Variants in KCNMA1 observed in about 807,000 individuals in gnomAD.
KCNMA1 encodes potassium calcium-activated channel subfamily M alpha 1.
Under a neutral mutation model 140.0 loss-of-function variants are expected in KCNMA1, and 29 were observed. The observed-to-expected ratio is 0.21, with a 90% CI of 0.15 to 0.28. The LOEUF is 0.28. Among genes scored for constraint, KCNMA1 ranks in the 10% least tolerant of loss-of-function variants. The pLI is 1.00. For synonymous variants in KCNMA1, 612 were observed against 611.9 expected (o/e 1.00, Z 0.00); for missense variants, 880 against 1,602.2 (o/e 0.55, Z 7.70).
intron 1 of KCNMA1, among the ~76,000 whole-genome samples, chr10:77,544,150 CTG>C (rs35370605): frequency 0.22 from 30,634 of 142,120 alleles, 3,136 homozygotes; most frequent in Middle Eastern, 0.29. Flanking sequence ...ATCTTTCCAG[CTG>C]TGTGTGTGTG....
intron 1 of KCNMA1, among the ~76,000 whole-genome samples, chr10:77,593,934 C>T (rs1438057035): frequency 6.6e-6 from 1 of 152,208 alleles, no homozygotes; most frequent in Admixed American, 6.5e-5. Context: ...CATTGGGCTC[C>T]TGGGAGCACA....
Position 77,477,406 on chromosome 10 carries a change from C to A in KCNMA1, c.379-73383G>T, listed in dbSNP as rs141366316. Among the ~76,000 whole-genome samples, 4 of 152,288 alleles carry A rather than the reference C, an allele frequency of 2.6e-5. No homozygotes were observed. The East Asian group carries it at 7.7e-4, about 29-fold the overall frequency. On this transcript the variant is annotated intron_variant, in intron 1 of 27. Transcript: ENST00000286628. ...CATATGTCTGTGCTTACCAAGGAAC[C>A]TTCTAGATGGTGACATTTTCTCATA...
chr10:77,212,003 G>A (rs1271023910), intron 3 of KCNMA1, among the ~76,000 whole-genome samples: 1 of 152,210 alleles, frequency 6.6e-6, no homozygotes, highest in African/African-American at 2.4e-5. Context: ...TGGTGGGAAT[G>A]TAAATTTGTT....
chr10:77,026,645 ATT>A (rs71028246), intron 16 of KCNMA1, among the ~76,000 whole-genome samples: 5 of 151,888 alleles, frequency 3.3e-5, no homozygotes, highest in African/African-American at 1.2e-4. Flanking sequence ...CAAATCTACC[ATT>A]TTTTTCTTCC....
intron 1 of KCNMA1, chr10:77,634,140 G>C: frequency 1.0e-6 from 1 of 985,158 alleles, no homozygotes; most frequent in South Asian, 4.7e-5. Flanking sequence ...CTTTATTCAG[G>C]CTACCAGAGC....
intron 5 of KCNMA1, among the ~76,000 whole-genome samples, chr10:77,168,760 T>C (rs555573649): frequency 1.3e-5 from 2 of 152,336 alleles, no homozygotes; most frequent in East Asian, 3.9e-4. Flanking sequence ...GTCATCAAAA[T>C]TGATTAGTAG....
chr10:76,980,409 AC>A (rs1190740859), intron 19 of KCNMA1: 1 of 152,096 alleles, frequency 6.6e-6, no homozygotes. Context: ...TGTGATCCCT[AC>A]TGGACCAAGG....
At chr10:77,592,814 AG>A (rs1326323397) in intron 1 of KCNMA1, among the ~76,000 whole-genome samples, 1 of 152,164 alleles carries the variant, frequency 6.6e-6, no homozygotes, top group Non-Finnish European at 1.5e-5. Context: ...TTCTCTTTAG[AG>A]GAGGCCTCAC....
chr10:77,019,469 A>C (rs1184060060), intron 16 of KCNMA1: 2 of 254,356 alleles, frequency 7.9e-6, no homozygotes, highest in African/African-American at 4.5e-5. Flanking sequence ...ACACGGAAGC[A>C]TTATTGGCCT....
chr10:76,941,636 A>G (rs538228321), intron 23 of KCNMA1, among the ~76,000 whole-genome samples: 1 of 152,294 alleles, frequency 6.6e-6, no homozygotes, highest in East Asian at 1.9e-4. Flanking sequence ...TCTCTTAGGG[A>G]GCAGAACAGA....
intron 14 of KCNMA1, among the ~76,000 whole-genome samples, chr10:77,042,785 CA>C (rs2094810088): frequency 6.6e-6 from 1 of 152,158 alleles, no homozygotes; most frequent in African/African-American, 2.4e-5. Context: ...AGAAGGAACA[CA>C]TTTTTTGTAG....
At chr10:77,025,240 G>GTATATATATA (rs1384161555) in intron 16 of KCNMA1, among the ~76,000 whole-genome samples, 1,188 of 64,686 alleles carry the variant, frequency 0.018, 28 homozygotes, top group Admixed American at 0.02. Context: ...AGGGGTGTGT[G>GTATATATATA]TGTATATATA....
At chr10:77,591,465 A>G (rs537128238) in intron 1 of KCNMA1, among the ~76,000 whole-genome samples, 2 of 152,240 alleles carry the variant, frequency 1.3e-5, no homozygotes, top group East Asian at 3.9e-4. Context: ...TAGGGTTGCG[A>G]GACCAGCATC....
At chr10:77,580,503 A>G (rs1344893214) in intron 1 of KCNMA1, among the ~76,000 whole-genome samples, 1 of 152,210 alleles carries the variant, frequency 6.6e-6, no homozygotes, top group Non-Finnish European at 1.5e-5. Context: ...AAATGAACGC[A>G]TCAAAAACAG....
intron 14 of KCNMA1, among the ~76,000 whole-genome samples, chr10:77,046,531 G>GCT (rs2095065374): frequency 6.6e-6 from 1 of 152,310 alleles, no homozygotes; most frequent in African/African-American, 2.4e-5. Context: ...TCAACAGCAT[G>GCT]CTCTGTCAAG....
intron 2 of KCNMA1, among the ~76,000 whole-genome samples, chr10:77,385,375 G>A (rs751695894): frequency 2.0e-5 from 3 of 152,170 alleles, no homozygotes; most frequent in Non-Finnish European, 2.9e-5. Flanking sequence ...TATTAACAAT[G>A]TATACAACAC....
intron 1 of KCNMA1, among the ~76,000 whole-genome samples, chr10:77,600,269 A>G (rs1387681892): frequency 1.3e-5 from 2 of 152,226 alleles, no homozygotes; most frequent in Non-Finnish European, 2.9e-5. Flanking sequence ...AGAGTGACCC[A>G]GAGTCATCTG....
intron 23 of KCNMA1, among the ~76,000 whole-genome samples, chr10:76,934,403 A>G (rs1396087481): frequency 6.6e-6 from 1 of 152,230 alleles, no homozygotes; most frequent in East Asian, 1.9e-4. Flanking sequence ...ACAAAAATGC[A>G]CTGAATAGCT....
intron 19 of KCNMA1, among the ~76,000 whole-genome samples, chr10:76,993,594 G>A (rs544540726): frequency 4.6e-5 from 7 of 152,266 alleles, no homozygotes; most frequent in South Asian, 2.1e-4. Context: ...GCTGGGGCCC[G>A]CCCACAACAG....
Sources: gnomAD v4.1 joint callset for allele counts (sites outside exome capture counted in the v4.1 genomes callset) on GRCh38, gnomAD v4.1.1 for gene constraint, MANE v1.5 for transcripts, NCBI Gene and HGNC (gene_info 2026-07-23, HGNC 2026-07-21) for gene names.